The following FILIP1 variants were observed in gnomAD, a reference collection of about 807,000 sequenced individuals.
FILIP1 encodes filamin A interacting protein 1, also known as filamin-A-interacting protein 1.
Under a neutral mutation model 102.1 loss-of-function variants are expected in FILIP1, and 61 were observed. The observed-to-expected ratio is 0.60, with a 90% CI of 0.49 to 0.74. The LOEUF (loss-of-function observed/expected upper bound fraction) is 0.74. Among genes scored for constraint, FILIP1 ranks in the 30% least tolerant of loss-of-function variants. The pLI, the probability that FILIP1 is intolerant of heterozygous loss-of-function variation, is 0.00. For missense variants in FILIP1, 1,314 were observed against 1,441.2 expected (o/e 0.91, Z 1.43); for synonymous variants, 491 against 526.9 (o/e 0.93, Z 0.93).
chr6:75,380,327 G>A (rs79714812), intron 2 of FILIP1, among the ~76,000 whole-genome samples: 8,088 of 152,040 alleles, frequency 0.053, 292 homozygotes, highest in Non-Finnish European at 0.076. Context: ...AAAAATGCCT[G>A]AAAGGTATAA....
At chr6:75,491,936 TACAC>T (rs1406541059) in intron 1 of FILIP1, among the ~76,000 whole-genome samples, 1 of 152,206 alleles carries the variant, frequency 6.6e-6, no homozygotes, top group Non-Finnish European at 1.5e-5. Context: ...ATTTTGGCCT[TACAC>T]ATACATTTTT....
intron 2 of FILIP1, among the ~76,000 whole-genome samples, chr6:75,369,111 T>A (rs1456593541): frequency 6.6e-6 from 1 of 152,208 alleles, no homozygotes; most frequent in Admixed American, 6.5e-5. Context: ...AGGGACTTTG[T>A]TGCCTCAGAG....
intron 1 of FILIP1, among the ~76,000 whole-genome samples, chr6:75,448,948 C>T (rs530954479): frequency 1.3e-5 from 2 of 152,218 alleles, no homozygotes; most frequent in South Asian, 4.1e-4. Flanking sequence ...GAACTACCAC[C>T]ACTTGATTCA....
At chr6:75,377,902 T>C (rs1367463316) in intron 2 of FILIP1, among the ~76,000 whole-genome samples, 1 of 152,228 alleles carries the variant, frequency 6.6e-6, no homozygotes, top group Non-Finnish European at 1.5e-5. Flanking sequence ...AGATTCCTTA[T>C]TGAACATGAA....
Position 75,414,836 on chromosome 6 carries a change from T to C in FILIP1, c.137A>G (p.Glu46Gly), listed in dbSNP as rs766334616. The C allele has an allele frequency of 2.5e-6, 4 of 1,613,874 alleles. No individual in the cohort carries two copies. In the Admixed American group the frequency reaches 6.7e-5, roughly 27 times the overall value. ...AGTTCCTGAGGCCATGACATCATCC[T>C]CCTTCCTATTTGATTTCTTCTTCTT... ...AKKKKKSNRK[E>G]DDVMASGTVK... The change falls in exon 2 of 6, where the codon GAG becomes GGG. Residue 46 changes from glutamate (E) to glycine (G), a missense_variant. Coordinates refer to ENST00000237172, the MANE Select transcript of FILIP1 (RefSeq NM_015687.5).
At chr6:75,436,922 C>A (rs1355417751) in intron 1 of FILIP1, among the ~76,000 whole-genome samples, 1 of 152,218 alleles carries the variant, frequency 6.6e-6, no homozygotes, top group African/African-American at 2.4e-5. Flanking sequence ...ACCAGCATGA[C>A]ATTACTGAAC....
chr6:75,347,224 C>T (rs1774617899), intron 4 of FILIP1, among the ~76,000 whole-genome samples: 1 of 152,166 alleles, frequency 6.6e-6, no homozygotes, highest in African/African-American at 2.4e-5. Context: ...TAATTATTGG[C>T]AAGTGTCCTT....
rs766890609 is a variant in FILIP1 at position 75,308,774 on chromosome 6, G to A, written c.3559C>T (p.Arg1187Ter). ...GAGNLTKFEP[R>*]AETQSMKIEL... ...ATTTTCATAGACTGAGTCTCAGCTC[G>A]AGGCTCGAATTTGGTCAGATTTCCT... The change falls in exon 6 of 6, where the codon CGA (arginine) becomes TGA (stop). Residue 1187 changes from arginine to a stop codon, truncating the protein, a stop_gained. Transcript: ENST00000237172. LOFTEE classifies it high-confidence loss of function. 6.3e-5 allele frequency: 102 copies of A among 1,613,994 alleles called. No homozygotes were observed. Among genetic ancestry groups the A allele is most frequent in the Middle Eastern group, 1.7e-4 (1 of 6,042 alleles).
intron 1 of FILIP1, among the ~76,000 whole-genome samples, chr6:75,415,495 T>A: frequency 7.7e-6 from 1 of 129,648 alleles, no homozygotes; most frequent in Middle Eastern, 4.9e-3. Context: ...AAATCAAACC[T>A]GAAACCCTGC....
intron 1 of FILIP1, among the ~76,000 whole-genome samples, chr6:75,450,412 CAAGA>C (rs1778587997): frequency 6.6e-6 from 1 of 151,890 alleles, no homozygotes; most frequent in Non-Finnish European, 1.5e-5. Context: ...TTTGGGAGGC[CAAGA>C]CAAGAGGATT....
chr6:75,440,806 G>A (rs1014105266), intron 1 of FILIP1, among the ~76,000 whole-genome samples: 7 of 152,130 alleles, frequency 4.6e-5, no homozygotes, highest in Admixed American at 1.3e-4. Context: ...AAAATTAGCC[G>A]GGCGTGGTGG....
chr6:75,342,727 A>C (rs1400287609), intron 4 of FILIP1, among the ~76,000 whole-genome samples: 2 of 152,198 alleles, frequency 1.3e-5, no homozygotes, highest in East Asian at 3.8e-4. Flanking sequence ...CTCAGTTGCC[A>C]ATCTGTCCAA....
chr6:75,472,166 T>C (rs1475104077), intron 1 of FILIP1, among the ~76,000 whole-genome samples: 1 of 152,144 alleles, frequency 6.6e-6, no homozygotes, highest in African/African-American at 2.4e-5. Flanking sequence ...AATCCAAAGA[T>C]ACTGCATGTC....
intron 2 of FILIP1, among the ~76,000 whole-genome samples, chr6:75,394,348 T>A (rs1437081370): frequency 6.6e-6 from 1 of 152,056 alleles, no homozygotes; most frequent in African/African-American, 2.4e-5. Flanking sequence ...AGAAGAAAAT[T>A]TGAAAGAAAT....
intron 4 of FILIP1, among the ~76,000 whole-genome samples, chr6:75,341,610 A>C (rs1045113475): frequency 6.6e-6 from 1 of 152,060 alleles, no homozygotes; most frequent in Non-Finnish European, 1.5e-5. Flanking sequence ...TTTATATTTA[A>C]TATAGTTTGT....
chr6:75,324,291 AC>A (rs1773759241), intron 4 of FILIP1, among the ~76,000 whole-genome samples: 1 of 151,552 alleles, frequency 6.6e-6, no homozygotes, highest in African/African-American at 2.4e-5. Context: ...AATCCCTTTT[AC>A]AACAGCTGCA....
rs1270552825 is a variant in FILIP1, at chr6:75,434,362, C to T, written c.-6-19384G>A. Reference sequence around the variant, plus strand: ...CATTTGTTTGTATCCTCTCTTATTTCGTTGAGCACTGGTTTGTAGTTCTCC... The same window carrying T: ...CATTTGTTTGTATCCTCTCTTATTTTGTTGAGCACTGGTTTGTAGTTCTCC... On this transcript the variant is annotated intron_variant, in intron 1 of 5. Coordinates refer to ENST00000237172, the MANE Select transcript of FILIP1 (RefSeq NM_015687.5). 7.2e-5 allele frequency among the ~76,000 whole-genome samples: 11 copies of T among 152,176 alleles called. 1 individual carries two copies. In the East Asian group the frequency reaches 1.7e-3, roughly 24 times the overall value.
intron 6 of FILIP1, among the ~76,000 whole-genome samples, chr6:75,297,546 T>C (rs1392827885): frequency 6.6e-6 from 1 of 152,164 alleles, no homozygotes; most frequent in Non-Finnish European, 1.5e-5. Flanking sequence ...TATTGTACTA[T>C]ACCAGAAGCC....
chr6:75,450,988 A>G (rs1778613663), intron 1 of FILIP1, among the ~76,000 whole-genome samples: 1 of 152,062 alleles, frequency 6.6e-6, no homozygotes, highest in Non-Finnish European at 1.5e-5. Context: ...AATGTAATCA[A>G]TTTACACTTT....
Sources: allele counts gnomAD v4.1 joint callset (sites outside exome capture counted in the v4.1 genomes callset), GRCh38; gene constraint gnomAD v4.1.1; transcripts MANE v1.5; gene names NCBI Gene and HGNC (gene_info 2026-07-23, HGNC 2026-07-21).